PCLO: variants seen among roughly 807,000 people sequenced by gnomAD.
PCLO encodes protein piccolo.
PCLO carries 82 observed loss-of-function variants against 427.5 expected under a neutral mutation model. That is an observed-to-expected ratio of 0.19 (90% CI 0.16 to 0.23). PCLO has a LOEUF of 0.23. PCLO is among the 10% of genes least tolerant of loss of function. The pLI, the probability that PCLO is intolerant of heterozygous loss-of-function variation, is 1.00. For synonymous variants in PCLO, 2,357 were observed against 2,155.4 expected (o/e 1.09, Z -2.59); for missense variants, 6,239 against 6,115.9 (o/e 1.02, Z -0.67).
Position 82,805,842 on chromosome 7 carries a change from G to T in PCLO, c.14792-13C>A. 1 of 1,591,158 alleles carries T rather than the reference G, an allele frequency of 6.3e-7. No individual in the cohort carries two copies. The highest frequency in any genetic ancestry group is 8.6e-7 in the Non-Finnish European group (1 of 1,168,522). On this transcript the variant is annotated splice_polypyrimidine_tract_variant and intron_variant, in intron 20 of 24. Coordinates refer to ENST00000333891, the MANE Select transcript of PCLO (RefSeq NM_033026.6). ...TTGGGAGGCTTTGCTGCATGGTGTG[G>T]GAAGATTCAACACCACAGTCAATAA...
chr7:82,898,360 C>T (rs986906083), intron 9 of PCLO, among the ~76,000 whole-genome samples: 2 of 151,448 alleles, frequency 1.3e-5, no homozygotes, highest in African/African-American at 4.8e-5. Flanking sequence ...TGGTAAAAAA[C>T]AAACCAAACA....
intron 21 of PCLO, 51 bp from the exon 22 acceptor site, chr7:82,801,642 C>A: frequency 9.3e-7 from 1 of 1,070,870 alleles, no homozygotes; most frequent in Non-Finnish European, 1.4e-6. Flanking sequence ...CTCATGAATG[C>A]AAAAGAGGCT....
chr7:82,866,752 T>C (rs1793104990), intron 10 of PCLO, among the ~76,000 whole-genome samples: 1 of 152,038 alleles, frequency 6.6e-6, no homozygotes, highest in Non-Finnish European at 1.5e-5. Context: ...TCTTGTAGGC[T>C]ATTGTTTCCA....
chr7:83,076,638 TTG>T lies in PCLO; in HGVS notation c.3300+57610_3300+57611del, dbSNP rs1284900943. On this transcript the variant is annotated intron_variant, in intron 3 of 24. Transcript: ENST00000333891. Reference sequence around the variant, plus strand: ...ATGTTATTTTCCTTTTTTTTTTTTTTTGCAGTTTTTTTTTATTATACTTTAAG... The same window carrying T: ...ATGTTATTTTCCTTTTTTTTTTTTTTCAGTTTTTTTTTATTATACTTTAAG... 1.5e-3 allele frequency among the ~76,000 whole-genome samples: 210 copies of T among 141,424 alleles called. 1 individual carries two copies. The highest frequency in any genetic ancestry group is 5.3e-3 in the African/African-American group (198 of 37,050). The allele number at this position is 141,424 out of a possible 152,430, so 92.8% of individuals were successfully genotyped here.
intron 20 of PCLO, among the ~76,000 whole-genome samples, chr7:82,818,258 CTT>C (rs2115615534): frequency 6.6e-6 from 1 of 152,236 alleles, no homozygotes; most frequent in East Asian, 1.9e-4. Context: ...CTCCATAATT[CTT>C]GTTTGACCCA....
At chr7:83,062,261 C>A (rs1789560371) in intron 3 of PCLO, among the ~76,000 whole-genome samples, 1 of 152,232 alleles carries the variant, frequency 6.6e-6, no homozygotes, top group South Asian at 2.1e-4. Context: ...AGAATCAATG[C>A]TCCTGCTAAG....
At chr7:82,816,339 G>A (rs1791678411) in intron 20 of PCLO, among the ~76,000 whole-genome samples, 1 of 151,970 alleles carries the variant, frequency 6.6e-6, no homozygotes, top group South Asian at 2.1e-4. Context: ...GCATATCCCT[G>A]GTTCCATGAT....
At chr7:82,849,563 G>C (rs1792595038) in intron 10 of PCLO, among the ~76,000 whole-genome samples, 1 of 152,020 alleles carries the variant, frequency 6.6e-6, no homozygotes, top group East Asian at 1.9e-4. Context: ...AATTCTATGA[G>C]CCATATTAAA....
At chr7:83,149,861 T>C (rs1792085067) in intron 2 of PCLO, among the ~76,000 whole-genome samples, 1 of 152,204 alleles carries the variant, frequency 6.6e-6, no homozygotes, top group Non-Finnish European at 1.5e-5. Flanking sequence ...GGAGAAAGTT[T>C]ATATGAAAGT....
chr7:82,764,482 A>C (rs1790492397), intron 22 of PCLO, among the ~76,000 whole-genome samples: 1 of 151,946 alleles, frequency 6.6e-6, no homozygotes, highest in Non-Finnish European at 1.5e-5. Flanking sequence ...AGTTTTAGCT[A>C]GTCTATTTTA....
chr7:82,850,943 G>A (rs1265612647), intron 10 of PCLO, among the ~76,000 whole-genome samples: 1 of 152,090 alleles, frequency 6.6e-6, no homozygotes, highest in Non-Finnish European at 1.5e-5. Flanking sequence ...TTAGTCATTA[G>A]AAAGTGCAAA....
chr7:82,797,348 G>A (rs1791246106), intron 22 of PCLO, among the ~76,000 whole-genome samples: 1 of 152,000 alleles, frequency 6.6e-6, no homozygotes, highest in Non-Finnish European at 1.5e-5. Flanking sequence ...GATGCTCACT[G>A]GCAAAAAATA....
Position 82,930,384 on chromosome 7 carries a change from A to G in PCLO, c.11113-13511T>C, listed in dbSNP as rs186672302. Reference sequence around the variant, plus strand: ...GAATGTCATGCAAATTTTAGACTTTATCAAATAAGCAAGAGGTCACTGAAG... The same window carrying G: ...GAATGTCATGCAAATTTTAGACTTTGTCAAATAAGCAAGAGGTCACTGAAG... On this transcript the variant is annotated intron_variant, in intron 6 of 24. Transcript: ENST00000333891. Among the ~76,000 whole-genome samples the G allele has an allele frequency of 1.9e-3, 290 of 152,290 alleles. 1 individual carries two copies. The highest frequency in any genetic ancestry group is 6.5e-3 in the Admixed American group (99 of 15,274).
chr7:82,868,601 T>A (rs1369563432), intron 10 of PCLO, among the ~76,000 whole-genome samples: 2 of 152,214 alleles, frequency 1.3e-5, no homozygotes, highest in Non-Finnish European at 2.9e-5. Context: ...ACAGAATACC[T>A]ATGGACAAAC....
intron 20 of PCLO, chr7:82,821,540 A>C: frequency 1.0e-6 from 1 of 980,334 alleles, no homozygotes; most frequent in Non-Finnish European, 1.2e-6. Flanking sequence ...TGCCTTTTAG[A>C]AGTAACAGGG....
intron 3 of PCLO, among the ~76,000 whole-genome samples, chr7:83,085,433 A>C (rs1407327447): frequency 6.6e-6 from 1 of 152,190 alleles, no homozygotes; most frequent in Non-Finnish European, 1.5e-5. Context: ...GGGCCACACA[A>C]CTGGTAAAAA....
chr7:83,065,414 C>G (rs2116330658), intron 3 of PCLO, among the ~76,000 whole-genome samples: 1 of 148,766 alleles, frequency 6.7e-6, no homozygotes, highest in African/African-American at 2.5e-5. Context: ...GTAAACTAAA[C>G]ATACAATTTT....
chr7:83,156,469 C>A, intron 1 of PCLO, 77 bp from the exon 2 acceptor site: 1 of 922,190 alleles, frequency 1.1e-6, no homozygotes, highest in Admixed American at 2.9e-5. Flanking sequence ...ATACAAAAAA[C>A]CTATTGCTTA....
intron 3 of PCLO, among the ~76,000 whole-genome samples, chr7:82,991,851 G>A (rs1562903630): frequency 1.3e-5 from 2 of 151,990 alleles, no homozygotes; most frequent in Non-Finnish European, 2.9e-5. Flanking sequence ...TAGTTTCATA[G>A]GGCAATTATG....
Sources: allele counts gnomAD v4.1 joint callset (sites outside exome capture counted in the v4.1 genomes callset), GRCh38; gene constraint gnomAD v4.1.1; transcripts MANE v1.5; gene names NCBI Gene and HGNC (gene_info 2026-07-23, HGNC 2026-07-21).